PAIP2B: variants seen among roughly 807,000 people sequenced by gnomAD.
PAIP2B encodes poly(A) binding protein interacting protein 2B.
PAIP2B carries 13 observed loss-of-function variants against 17.0 expected under a neutral mutation model. The ratio of observed to expected loss-of-function variants is 0.76; its 90% CI spans 0.50 to 1.22. The LOEUF is 1.22. PAIP2B is among the 50% of genes most tolerant of loss of function. The pLI is 0.00. For synonymous variants in PAIP2B, 43 were observed against 48.7 expected (o/e 0.88, Z 0.48); for missense variants, 117 against 144.5 (o/e 0.81, Z 0.98).
chr2:71,193,131 A>T (rs988591645), intron 2 of PAIP2B, among the ~76,000 whole-genome samples: 1 of 151,980 alleles, frequency 6.6e-6, no homozygotes, highest in African/African-American at 2.4e-5. Context: ...AGTCATAGCC[A>T]TTCTGACTGG....
intron 1 of PAIP2B, among the ~76,000 whole-genome samples, chr2:71,224,032 TA>T (rs1297747275): frequency 2.0e-5 from 3 of 152,186 alleles, no homozygotes; most frequent in African/African-American, 7.2e-5. Flanking sequence ...GATATACACA[TA>T]GTAGTGAAAA....
chr2:71,191,039 A>G (rs1003399156), intron 2 of PAIP2B, among the ~76,000 whole-genome samples: 2 of 152,184 alleles, frequency 1.3e-5, no homozygotes, highest in African/African-American at 4.8e-5. Context: ...CTTTGCAGAC[A>G]TTGTTAACTC....
intron 1 of PAIP2B, among the ~76,000 whole-genome samples, chr2:71,218,350 A>T (rs956837041): frequency 6.6e-6 from 1 of 151,852 alleles, no homozygotes; most frequent in African/African-American, 2.4e-5. Flanking sequence ...AAAATTACTC[A>T]GAAAAAAACA....
chr2:71,190,062 C>T, intron 2 of PAIP2B, 41 bp from the exon 3 acceptor site: 1 of 1,561,890 alleles, frequency 6.4e-7, no homozygotes, highest in Non-Finnish European at 8.7e-7. Context: ...ACTGTCACAG[C>T]AAGACTTACC....
chr2:71,206,580 A>G (rs927283081), intron 1 of PAIP2B, among the ~76,000 whole-genome samples: 2 of 152,204 alleles, frequency 1.3e-5, no homozygotes, highest in African/African-American at 4.8e-5. Context: ...CAAGTTAGAA[A>G]GAACTCCAGG....
rs554916941 is a variant in PAIP2B at position 71,186,079 on chromosome 2, A to G, written c.*2400T>C. 6.6e-5 allele frequency: 10 copies of G among 152,372 alleles called. No individual in the cohort carries two copies. The highest frequency in any genetic ancestry group is 2.4e-4 in the African/African-American group (10 of 41,590). The allele number at this position is 152,372 out of a possible 1,614,324, so 9.4% of individuals were successfully genotyped here. A position where few individuals can be genotyped will look rare whatever the true frequency, so the allele number is the denominator to read the frequency against. ...TTATAAATACAAGTCTTACCATTAAAGGGTAAAGGTGTCCAGTCTGGCTTG... is the reference window on the plus strand; with the variant it reads ...TTATAAATACAAGTCTTACCATTAAGGGGTAAAGGTGTCCAGTCTGGCTTG... On this transcript the variant is annotated 3_prime_UTR_variant, in exon 4 of 4. Transcript: ENST00000244221.
At chr2:71,202,860 G>A (rs1454559765) in intron 1 of PAIP2B, among the ~76,000 whole-genome samples, 1 of 152,100 alleles carries the variant, frequency 6.6e-6, no homozygotes, top group African/African-American at 2.4e-5. Flanking sequence ...CTAGGCAGGT[G>A]GGACAGGGGT....
chr2:71,200,783 A>C (rs1014245087), intron 2 of PAIP2B, among the ~76,000 whole-genome samples: 60 of 152,026 alleles, frequency 3.9e-4, no homozygotes, highest in African/African-American at 1.4e-3. Flanking sequence ...CAACAAAAAA[A>C]CCCAAAATTA....
At position 71,222,765 on chromosome 2, in the gene PAIP2B, G is replaced by A. The variant is rs151172189; in HGVS notation, c.-12+4163C>T. ...ACCAAAGGAACTCAGTTGGTAGGTA[G>A]CAGAACCAGAATTCAAAGACCCAGG... is the stretch of plus-strand genomic sequence containing the variant. On this transcript the variant is annotated intron_variant, in intron 1 of 3. Coordinates refer to ENST00000244221, the MANE Select transcript of PAIP2B (RefSeq NM_020459.1). Among the ~76,000 whole-genome samples the A allele has an allele frequency of 1.9e-3, 297 of 152,320 alleles. 3 individuals are homozygous for A. Among genetic ancestry groups the A allele is most frequent in the Admixed American group, 3.7e-3 (57 of 15,298 alleles).
intron 1 of PAIP2B, among the ~76,000 whole-genome samples, chr2:71,207,001 T>A (rs1382032862): frequency 6.6e-6 from 1 of 152,218 alleles, no homozygotes; most frequent in Admixed American, 6.5e-5. Flanking sequence ...GATCATTAAA[T>A]CTATTCACTC....
At position 71,183,733 on chromosome 2, in the gene PAIP2B, T is replaced by TA. The variant is rs1458857704; in HGVS notation, c.*4745_*4746insT. 3 of 152,138 alleles carry TA rather than the reference T, an allele frequency of 2.0e-5. No individual in the cohort carries two copies. The highest frequency in any genetic ancestry group is 6.6e-5 in the Admixed American group (1 of 15,266). The allele number at this position is 152,138 out of a possible 1,614,324, so 9.4% of individuals were successfully genotyped here. ...TTTGAACTGTCCAGAAAGGGCAAAT[T>TA]TATAGAGAAAGTAGATTAGTGGTTG... is the stretch of plus-strand genomic sequence containing the variant. On this transcript the variant is annotated 3_prime_UTR_variant, in exon 4 of 4. Coordinates refer to ENST00000244221, the MANE Select transcript of PAIP2B (RefSeq NM_020459.1).
chr2:71,194,708 C>T (rs565662196), intron 2 of PAIP2B, among the ~76,000 whole-genome samples: 1 of 152,110 alleles, frequency 6.6e-6, no homozygotes, highest in Non-Finnish European at 1.5e-5. Context: ...TCCTCTCTTC[C>T]TATTTGGATG....
intron 1 of PAIP2B, among the ~76,000 whole-genome samples, chr2:71,214,071 G>C (rs1675368852): frequency 6.6e-6 from 1 of 152,086 alleles, no homozygotes; most frequent in Admixed American, 6.5e-5. Context: ...GAACTTCTAG[G>C]CTCAAGTGAT....
chr2:71,206,380 CAT>C (rs1224204690), intron 1 of PAIP2B, among the ~76,000 whole-genome samples: 2 of 152,208 alleles, frequency 1.3e-5, no homozygotes, highest in Non-Finnish European at 2.9e-5. Flanking sequence ...CTCTTATACA[CAT>C]GTCAAACATG....
At chr2:71,204,472 T>A (rs1003624573) in intron 1 of PAIP2B, among the ~76,000 whole-genome samples, 1 of 152,166 alleles carries the variant, frequency 6.6e-6, no homozygotes. Flanking sequence ...AGAAATGTAA[T>A]ATTCTAAAAA....
chr2:71,190,366 T>G (rs901438898), intron 2 of PAIP2B, among the ~76,000 whole-genome samples: 3 of 152,068 alleles, frequency 2.0e-5, no homozygotes, highest in Non-Finnish European at 4.4e-5. Flanking sequence ...CAAGGCTTCA[T>G]TGAGCCAAGA....
rs541422156 is a variant in PAIP2B, at chr2:71,188,386, C to T, written c.*93G>A. On this transcript the variant is annotated 3_prime_UTR_variant, in exon 4 of 4. Transcript: ENST00000244221. ...ACTCCCCTTCCCGCTGTGCACCCCT[C>T]GCCCGCCCCATCCCCCTCTTCAGCT... The T allele has an allele frequency of 2.0e-5, 22 of 1,075,828 alleles. No homozygotes were observed. In the Admixed American group the frequency reaches 2.5e-4, roughly 12 times the overall value. 66.6% of individuals were successfully genotyped at this position (1,075,828 alleles called of 1,614,324 possible).
chr2:71,226,080 CA>C (rs1292709437), intron 1 of PAIP2B, among the ~76,000 whole-genome samples: 1 of 152,192 alleles, frequency 6.6e-6, no homozygotes, highest in Non-Finnish European at 1.5e-5. Flanking sequence ...TAGCCCTTTT[CA>C]ACTGCATTTT....
In PAIP2B at chr2:71,183,950, G is replaced by A. The variant is rs1445665821; in HGVS notation, c.*4529C>T. On this transcript the variant is annotated 3_prime_UTR_variant, in exon 4 of 4. Transcript: ENST00000244221. ...CCTCATTAAAGTTGTTTTAAGAAAAGGATTCCCTGCCTCCCAAACCATCCT... is the reference window on the plus strand; with the variant it reads ...CCTCATTAAAGTTGTTTTAAGAAAAAGATTCCCTGCCTCCCAAACCATCCT... 1 of 152,164 alleles carries A rather than the reference G, an allele frequency of 6.6e-6. No homozygotes were observed. The highest frequency in any genetic ancestry group is 1.5e-5 in the Non-Finnish European group (1 of 68,032). The allele number at this position is 152,164 out of a possible 1,614,324, so 9.4% of individuals were successfully genotyped here.
Sources: allele counts gnomAD v4.1 joint callset (sites outside exome capture counted in the v4.1 genomes callset), GRCh38; gene constraint gnomAD v4.1.1; transcripts MANE v1.5; gene names NCBI Gene and HGNC (gene_info 2026-07-23, HGNC 2026-07-21).